Variants in ZNF766 observed in about 807,000 individuals in gnomAD.
ZNF766 encodes the protein zinc finger protein 766.
Under a neutral mutation model 13.2 loss-of-function variants are expected in ZNF766, and 13 were observed. The ratio of observed to expected loss-of-function variants is 0.98; its 90% CI spans 0.64 to 1.56. The LOEUF (loss-of-function observed/expected upper bound fraction) is 1.56, where lower values mean the gene tolerates loss of function less well. ZNF766 is among the 40% of genes most tolerant of loss of function. The probability of loss-of-function intolerance (pLI) is 0.00; values close to 1 mark genes in which losing one functional copy is unlikely to be tolerated. For missense variants in ZNF766, 521 were observed against 552.2 expected (o/e 0.94, Z 0.57); for synonymous variants, 178 against 187.6 (o/e 0.95, Z 0.42).
At chr19:52,283,605 C>A (rs189026832) in intron 3 of ZNF766, among the ~76,000 whole-genome samples, 192 bp downstream of exon 3, 1 of 152,088 alleles carries the variant, frequency 6.6e-6, no homozygotes, top group East Asian at 1.9e-4. Context: ...CCTACCAGAG[C>A]CACACTATTA....
chr19:52,281,184 T>C (rs2122476352), intron 1 of ZNF766, among the ~76,000 whole-genome samples: 1 of 151,706 alleles, frequency 6.6e-6, no homozygotes, highest in South Asian at 2.1e-4. Context: ...TTTGAACAGT[T>C]GAAATTACAT....
At chr19:52,278,136 C>T (rs1267041018) in intron 1 of ZNF766, among the ~76,000 whole-genome samples, 2 of 151,948 alleles carry the variant, frequency 1.3e-5, no homozygotes, top group Non-Finnish European at 2.9e-5. Context: ...CCACGCCCGG[C>T]AATTTTTTGA....
intron 1 of ZNF766, among the ~76,000 whole-genome samples, chr19:52,280,145 A>G (rs1277142722): frequency 6.6e-6 from 1 of 152,154 alleles, no homozygotes; most frequent in Non-Finnish European, 1.5e-5. Flanking sequence ...TATAAACTAA[A>G]CTGAGTACTA....
chr19:52,269,845 C>T (rs769190452), intron 1 of ZNF766, among the ~76,000 whole-genome samples: 39 of 152,302 alleles, frequency 2.6e-4, no homozygotes, highest in Non-Finnish European at 5.0e-4. Flanking sequence ...GCTGCTTTCG[C>T]GCCGTTTTCC....
At chr19:52,280,451 A>G (rs1391978741) in intron 1 of ZNF766, among the ~76,000 whole-genome samples, 1 of 152,198 alleles carries the variant, frequency 6.6e-6, no homozygotes, top group Non-Finnish European at 1.5e-5. Flanking sequence ...TAAATTGTAT[A>G]TGTGTATTAC....
In ZNF766 at chr19:52,291,036, G is replaced by A; in HGVS notation, c.1245G>A (p.Glu415=). 6.2e-7 allele frequency: 1 copy of A among 1,613,928 alleles called. No homozygotes were observed. The highest frequency in any genetic ancestry group is 8.5e-7 in the Non-Finnish European group (1 of 1,179,988). Residue 415 remains glutamate (E), a synonymous_variant, in exon 4 of 4, where the codon GAG becomes GAA. Coordinates refer to ENST00000439461, the MANE Select transcript of ZNF766 (RefSeq NM_001010851.3). ...GAGAGAAACCTTACAAATGTAATGA[G>A]TGTGGCAAAGTCTTCACTCAGAATT... ...HTGEKPYKCN[E]CGKVFTQNSH... is the part of the protein sequence containing the mutation.
intron 1 of ZNF766, among the ~76,000 whole-genome samples, chr19:52,272,999 T>C (rs916195695): frequency 4.0e-5 from 6 of 149,026 alleles, no homozygotes; most frequent in African/African-American, 1.3e-4. Context: ...AGATGTTACA[T>C]TGTAAATACA....
intron 3 of ZNF766, among the ~76,000 whole-genome samples, chr19:52,288,521 CTG>C (rs1351208300): frequency 1.3e-5 from 2 of 152,188 alleles, no homozygotes; most frequent in Non-Finnish European, 1.5e-5. Flanking sequence ...GCACACGACA[CTG>C]TGCCTCACTA....
In ZNF766 at chr19:52,291,038, G is replaced by C. The variant is rs756466664; in HGVS notation, c.1247G>C (p.Cys416Ser). 1 of 1,614,188 alleles carries C rather than the reference G, an allele frequency of 6.2e-7. No individual in the cohort carries two copies. The highest frequency in any genetic ancestry group is 1.1e-5 in the South Asian group (1 of 91,078). Residue 416 changes from cysteine to serine, a missense_variant, in exon 4 of 4, where the codon TGT becomes TCT. Coordinates refer to ENST00000439461, the MANE Select transcript of ZNF766 (RefSeq NM_001010851.3). ...GAGAAACCTTACAAATGTAATGAGT[G>C]TGGCAAAGTCTTCACTCAGAATTCA... ...TGEKPYKCNE[C>S]GKVFTQNSHL...
At chr19:52,281,746 C>T (rs1388494199) in intron 1 of ZNF766, 3 of 470,962 alleles carry the variant, frequency 6.4e-6, no homozygotes, top group Admixed American at 2.4e-5. Context: ...AATGCCCAGA[C>T]ACAAAATTAA....
In ZNF766 at chr19:52,290,608, T is replaced by C. The variant is rs573333500; in HGVS notation, c.817T>C (p.Cys273Arg). 2 of 1,614,076 alleles carry C rather than the reference T, an allele frequency of 1.2e-6. No homozygotes were observed. Among genetic ancestry groups the C allele is most frequent in the Admixed American group, 1.7e-5 (1 of 60,008 alleles). Residue 273 changes from cysteine (C) to arginine (R), a missense_variant, in exon 4 of 4, where the codon TGT becomes CGT. Coordinates refer to ENST00000439461, the MANE Select transcript of ZNF766 (RefSeq NM_001010851.3). ...GCATACTGGAGAGAGTCCTTACAAA[T>C]GTAATGAGTGTGGCAAGGTCTTCAG... ...KVHTGESPYK[C>R]NECGKVFSRI... is the part of the protein sequence containing the mutation.
chr19:52,282,036 C>A (rs1981551955), intron 1 of ZNF766, 75 bp from the exon 2 acceptor site: 1 of 1,544,366 alleles, frequency 6.5e-7, no homozygotes, highest in Non-Finnish European at 8.8e-7. Context: ...TCAGTCCTTA[C>A]AACCCTCTTC....
rs542083862 is a variant in ZNF766 at position 52,280,597 on chromosome 19, T to C, written c.19-1514T>C. Reference sequence around the variant, plus strand: ...TTAATTTTAATTTTATTTTTCATTTTTTTGAAACTGAGTCTTGCTCTGTCG... The same window carrying C: ...TTAATTTTAATTTTATTTTTCATTTCTTTGAAACTGAGTCTTGCTCTGTCG... On this transcript the variant is annotated intron_variant, in intron 1 of 3. Transcript: ENST00000439461. 7.0e-4 allele frequency among the ~76,000 whole-genome samples: 107 copies of C among 152,174 alleles called. 1 individual carries two copies. Among genetic ancestry groups the C allele is most frequent in the African/African-American group, 2.3e-3 (97 of 41,558 alleles).
intron 1 of ZNF766, among the ~76,000 whole-genome samples, chr19:52,277,746 T>G (rs1034121197): frequency 6.6e-6 from 1 of 151,916 alleles, no homozygotes; most frequent in Non-Finnish European, 1.5e-5. Flanking sequence ...GAGGCTGCAC[T>G]GGGCGTGATC....
At chr19:52,288,048 T>G in intron 3 of ZNF766, 1 of 417,062 alleles carries the variant, frequency 2.4e-6, no homozygotes, top group Non-Finnish European at 4.6e-6. Context: ...TGAGATGGAG[T>G]CCTGTTCTGT....
chr19:52,282,409 G>A, intron 2 of ZNF766, 172 bp downstream of exon 2: 1 of 664,894 alleles, frequency 1.5e-6, no homozygotes, highest in Admixed American at 3.4e-5. Flanking sequence ...GCTGAGGTGG[G>A]TGGATTGCTT....
At chr19:52,285,574 G>T (rs753073698) in intron 3 of ZNF766, among the ~76,000 whole-genome samples, 1 of 152,226 alleles carries the variant, frequency 6.6e-6, no homozygotes, top group Non-Finnish European at 1.5e-5. Flanking sequence ...AGGTATGGGG[G>T]AAGGACTGTG....
At chr19:52,289,477 T>C (rs921430057) in intron 3 of ZNF766, among the ~76,000 whole-genome samples, 1 of 152,106 alleles carries the variant, frequency 6.6e-6, no homozygotes, top group Non-Finnish European at 1.5e-5. Flanking sequence ...TTATTTTCCC[T>C]AAGAGACTCA....
In ZNF766 at chr19:52,294,784, T is replaced by C. The variant is rs1982279791; in HGVS notation, c.*3586T>C. 6.8e-6 allele frequency: 1 copy of C among 147,158 alleles called. No individual in the cohort carries two copies. The highest frequency in any genetic ancestry group is 6.7e-5 in the Admixed American group (1 of 14,832). The allele number at this position is 147,158 out of a possible 1,614,324, so 9.1% of individuals were successfully genotyped here. On this transcript the variant is annotated 3_prime_UTR_variant, in exon 4 of 4. Transcript: ENST00000439461. Reference sequence around the variant, plus strand: ...TGGTTAGGAAAGACTCTGATTTTCTTCATGATAATATCTTACGTTCCTTTT... The same window carrying C: ...TGGTTAGGAAAGACTCTGATTTTCTCCATGATAATATCTTACGTTCCTTTT...
Sources: allele counts gnomAD v4.1 joint callset (sites outside exome capture counted in the v4.1 genomes callset), GRCh38; gene constraint gnomAD v4.1.1; transcripts MANE v1.5; gene names NCBI Gene and HGNC (gene_info 2026-07-23, HGNC 2026-07-21).